Variants in STOX2 observed in about 807,000 individuals in gnomAD.
STOX2 encodes storkhead box 2.
A neutral mutation model predicts 60.9 loss-of-function variants in STOX2; 28 were observed. The ratio of observed to expected loss-of-function variants is 0.46; its 90% CI spans 0.34 to 0.63. The LOEUF (loss-of-function observed/expected upper bound fraction) is 0.63, where lower values mean the gene tolerates loss of function less well. Among genes scored for constraint, STOX2 ranks in the 30% least tolerant of loss-of-function variants. The pLI is 0.01. For synonymous variants in STOX2, 472 were observed against 463.9 expected (o/e 1.02, Z -0.22); for missense variants, 1,024 against 1,187.7 (o/e 0.86, Z 2.03).
chr4:183,799,016 C>G (rs1738699895), intron 1 of STOX2, among the ~76,000 whole-genome samples: 1 of 152,172 alleles, frequency 6.6e-6, no homozygotes, highest in African/African-American at 2.4e-5. Context: ...TTTGGGAGGT[C>G]AAAAGTTCAA....
At chr4:183,923,688 G>C (rs1207646383) in intron 1 of STOX2, among the ~76,000 whole-genome samples, 1 of 152,192 alleles carries the variant, frequency 6.6e-6, no homozygotes, top group East Asian at 1.9e-4. Flanking sequence ...TAGTGCTGTG[G>C]GATGTAACCA....
intron 1 of STOX2, among the ~76,000 whole-genome samples, chr4:183,845,308 C>T (rs1739960840): frequency 6.6e-6 from 1 of 151,980 alleles, no homozygotes; most frequent in Admixed American, 6.6e-5. Flanking sequence ...CCATCCAGAG[C>T]CGGAAAAGCT....
intron 1 of STOX2, among the ~76,000 whole-genome samples, chr4:183,940,187 G>A (rs1434507077): frequency 3.3e-5 from 5 of 152,302 alleles, no homozygotes; most frequent in East Asian, 1.9e-4. Flanking sequence ...ACAGGCGTGA[G>A]CCACCGAGCC....
rs915687670 is a variant in STOX2, at chr4:183,819,216, A to C, written c.364+21161A>C. Among the ~76,000 whole-genome samples, 19 of 152,200 alleles carry C rather than the reference A, an allele frequency of 1.2e-4. No individual in the cohort carries two copies. In the East Asian group the frequency reaches 1.6e-3, roughly 13 times the overall value. Reference sequence around the variant, plus strand: ...GGGGGCTGGGAGGTGGAGGTTGTAGAGAGCCGAGATCACGCCGCTGCACTC... The same window carrying C: ...GGGGGCTGGGAGGTGGAGGTTGTAGCGAGCCGAGATCACGCCGCTGCACTC... On this transcript the variant is annotated intron_variant, in intron 1 of 2. Transcript: ENST00000513034.
chr4:184,010,526 G>A lies in STOX2; in HGVS notation c.1688G>A (p.Ser563Asn). The A allele has an allele frequency of 1.2e-6, 2 of 1,613,856 alleles. No individual in the cohort carries two copies. Among genetic ancestry groups the A allele is most frequent in the Non-Finnish European group, 1.7e-6 (2 of 1,179,828 alleles). Residue 563 changes from serine to asparagine, a missense_variant, in exon 3 of 4, where the codon AGC (serine) becomes AAC (asparagine). Ser to Asn is a conservative substitution (Grantham distance 46). Transcript: ENST00000308497. The surrounding 1 kb of genome is among the most constrained non-coding windows in gnomAD (Gnocchi z 4.5). Reference sequence around the variant, plus strand: ...TGTATTCCAGAGATAGTCAGTGGCAGCAAGGAACCGTCCAGCGCTTGCAGC... The same window carrying A: ...TGTATTCCAGAGATAGTCAGTGGCAACAAGGAACCGTCCAGCGCTTGCAGC... ...EVCIPEIVSG[S>N]KEPSSACSLL...
chr4:183,897,178 TTTTCCTCAACCTGTAGAGGTTTGG>T (rs1418567070), intron 1 of STOX2, among the ~76,000 whole-genome samples: 1 of 152,224 alleles, frequency 6.6e-6, no homozygotes, highest in Non-Finnish European at 1.5e-5. Context: ...ATTCCTACTC[TTTTCCTCAACCTGTAGAGGTTTGG>T]TGACTCAAAT....
intron 2 of STOX2, among the ~76,000 whole-genome samples, chr4:184,005,746 A>G (rs770702771): frequency 2.6e-5 from 4 of 152,226 alleles, no homozygotes; most frequent in Non-Finnish European, 5.9e-5. Context: ...TGAATTTCAC[A>G]ATCAGTCAGT....
intron 1 of STOX2, among the ~76,000 whole-genome samples, chr4:183,832,559 C>T (rs7660768): frequency 0.09 from 12,768 of 142,118 alleles, 1,830 homozygotes; most frequent in African/African-American, 0.31. Flanking sequence ...GGCATGATCT[C>T]GGCTCACTGC....
intron 1 of STOX2, among the ~76,000 whole-genome samples, chr4:183,899,271 A>G (rs906542848): frequency 3.3e-5 from 5 of 152,162 alleles, no homozygotes; most frequent in Non-Finnish European, 5.9e-5. Context: ...TAACCCTGCA[A>G]TGGCCTCTGC....
rs145262057 is a variant in STOX2, at chr4:183,899,715, A to T, written c.365-101610A>T. ...AAAGGAGCTGTCTCCATAACATAAA[A>T]GTGCAAGGTGAAGAAGGAAGTGCTG... On this transcript the variant is annotated intron_variant, in intron 1 of 2. Transcript: ENST00000513034. Among the ~76,000 whole-genome samples the T allele has an allele frequency of 4.2e-3, 639 of 152,350 alleles. 5 individuals are homozygous for T. The highest frequency in any genetic ancestry group is 0.015 in the African/African-American group (606 of 41,590).
In STOX2 at chr4:183,836,442, T is replaced by A. The variant is rs1159890337; in HGVS notation, c.364+38387T>A. Among the ~76,000 whole-genome samples the A allele has an allele frequency of 6.6e-6, 1 of 152,214 alleles. No homozygotes were observed. Among genetic ancestry groups the A allele is most frequent in the Non-Finnish European group, 1.5e-5 (1 of 68,026 alleles). The stretch of plus-strand genomic sequence containing the variant: ...AATAACGTCTCAGTGGCTTAACACA[T>A]TAAGCCTCATTTCTTCTTCTGCAAA... On this transcript the variant is annotated intron_variant, in intron 1 of 2. Coordinates refer to the STOX2 transcript ENST00000513034. This position sits in a 1 kb window ranked among gnomAD's most constrained non-coding sequence, Gnocchi z 4.1.
chr4:183,885,375 C>T (rs528467096), intron 1 of STOX2, among the ~76,000 whole-genome samples: 325 of 152,232 alleles, frequency 2.1e-3, no homozygotes, highest in African/African-American at 7.3e-3. Context: ...AGTCCGAGAG[C>T]GGGAACAGCT....
chr4:183,869,021 G>C (rs1274608290), intron 1 of STOX2, among the ~76,000 whole-genome samples: 1 of 152,202 alleles, frequency 6.6e-6, no homozygotes, highest in Non-Finnish European at 1.5e-5. Context: ...GGTAAGACAT[G>C]AGAATGAAGC....
At chr4:184,008,492 T>A (rs1204186191) in intron 2 of STOX2, among the ~76,000 whole-genome samples, 1 of 151,608 alleles carries the variant, frequency 6.6e-6, no homozygotes, top group South Asian at 2.1e-4. Context: ...AAAAACCACC[T>A]TCTTCTTACT....
At chr4:183,854,963 T>A (rs887576321) in intron 1 of STOX2, among the ~76,000 whole-genome samples, 1 of 152,216 alleles carries the variant, frequency 6.6e-6, no homozygotes, top group African/African-American at 2.4e-5. Flanking sequence ...GTCCCGAATA[T>A]GAAATGTTCC....
In STOX2 at chr4:184,006,685, C is replaced by CACAA. The variant is rs1553987408; in HGVS notation, c.320-2472_320-2471insCAAA. 1.7e-4 allele frequency among the ~76,000 whole-genome samples: 13 copies of CACAA among 76,522 alleles called. 1 individual carries two copies. The highest frequency in any genetic ancestry group is 2.8e-4 in the Non-Finnish European group (12 of 42,784). The allele number at this position is 76,522 out of a possible 152,430, so 50.2% of individuals were successfully genotyped here. On this transcript the variant is annotated intron_variant, in intron 2 of 3. Coordinates refer to ENST00000308497, the MANE Select transcript of STOX2 (RefSeq NM_020225.3). The stretch of plus-strand genomic sequence containing the variant: ...CCTGCGCAAGGGTGAGACCCTGTCT[C>CACAA]AAAAAAAAAAAAAAAAAAAGGAAAA...
chr4:184,004,662 A>G (rs1056995881), intron 2 of STOX2, among the ~76,000 whole-genome samples: 5 of 152,240 alleles, frequency 3.3e-5, no homozygotes, highest in African/African-American at 9.6e-5. Flanking sequence ...TCACTTTTCT[A>G]TAAAAGTGAG....
At chr4:183,917,904 A>G (rs1741978292) in intron 1 of STOX2, among the ~76,000 whole-genome samples, 1 of 152,258 alleles carries the variant, frequency 6.6e-6, no homozygotes, top group African/African-American at 2.4e-5. Flanking sequence ...CTGTTTTCTT[A>G]TATTTAAGAT....
chr4:183,799,812 A>C (rs1280744038), intron 1 of STOX2, among the ~76,000 whole-genome samples: 1 of 152,158 alleles, frequency 6.6e-6, no homozygotes, highest in Admixed American at 6.5e-5. Context: ...ATATTTTGGC[A>C]ATTTTTAAAG....
Sources: allele counts gnomAD v4.1 joint callset (sites outside exome capture counted in the v4.1 genomes callset), GRCh38; gene constraint gnomAD v4.1.1; non-coding constraint Gnocchi (gnomAD v3.1); transcripts MANE v1.5; gene names NCBI Gene and HGNC (gene_info 2026-07-23, HGNC 2026-07-21).